MEI1: variants seen among roughly 807,000 people sequenced by gnomAD.
The protein encoded by MEI1 is meiotic double-stranded break formation protein 1.
MEI1 carries 103 observed loss-of-function variants against 146.2 expected under a neutral mutation model. That is an observed-to-expected ratio of 0.70 (90% CI 0.60 to 0.83). MEI1 has a LOEUF of 0.83. Among genes scored for constraint, MEI1 ranks in the 40% least tolerant of loss-of-function variants. The probability of loss-of-function intolerance (pLI) is 0.00; values close to 1 mark genes in which losing one functional copy is unlikely to be tolerated. For synonymous variants in MEI1, 652 were observed against 628.2 expected, an observed-to-expected ratio of 1.04 and a Z score of -0.57; for missense variants, 1,529 against 1,533.0, an observed-to-expected ratio of 1.00 and a Z score of 0.04.
chr22:41,717,618 CT>C (rs386395487), intron 5 of MEI1, among the ~76,000 whole-genome samples: 218 of 138,226 alleles, frequency 1.6e-3, no homozygotes, highest in Admixed American at 1.8e-3. Flanking sequence ...TTTTTCTTTT[CT>C]TTTTTTTTTT....
At chr22:41,792,459 G>C (rs1346891316) in intron 26 of MEI1, among the ~76,000 whole-genome samples, 1 of 152,126 alleles carries the variant, frequency 6.6e-6, no homozygotes, top group African/African-American at 2.4e-5. Context: ...CAAAATAAAA[G>C]GCTGACATGA....
intron 18 of MEI1, among the ~76,000 whole-genome samples, chr22:41,760,656 C>T (rs560313618): frequency 2.0e-5 from 3 of 152,338 alleles, no homozygotes; most frequent in Admixed American, 1.3e-4. Flanking sequence ...AAAATCTGAG[C>T]TCTCCAAGTG....
chr22:41,779,973 A>G, intron 22 of MEI1, among the ~76,000 whole-genome samples: 1 of 152,172 alleles, frequency 6.6e-6, no homozygotes, highest in African/African-American at 2.4e-5. Context: ...CCACAGGTGA[A>G]GATGGGGCAT....
intron 26 of MEI1, among the ~76,000 whole-genome samples, chr22:41,786,202 G>A (rs1028545099): frequency 3.3e-5 from 5 of 151,964 alleles, no homozygotes; most frequent in Admixed American, 6.6e-5. Context: ...GAGCCACCGC[G>A]CCCGGCCCCT....
chr22:41,752,171 G>A (rs1267644227), intron 15 of MEI1, among the ~76,000 whole-genome samples: 1 of 152,172 alleles, frequency 6.6e-6, no homozygotes, highest in Non-Finnish European at 1.5e-5. Flanking sequence ...AGTAACTACT[G>A]TTCTTTCTGC....
chr22:41,785,007 G>T (rs2075907175), intron 26 of MEI1, among the ~76,000 whole-genome samples: 1 of 151,302 alleles, frequency 6.6e-6, no homozygotes. Flanking sequence ...CGCAATCTTG[G>T]CTCACTGCAA....
intron 21 of MEI1, among the ~76,000 whole-genome samples, chr22:41,777,375 C>T (rs2075499463): frequency 6.6e-6 from 1 of 151,736 alleles, no homozygotes; most frequent in African/African-American, 2.4e-5. Flanking sequence ...AGGCTGGTCT[C>T]GAACTCCTGA....
intron 1 of MEI1, among the ~76,000 whole-genome samples, chr22:41,702,061 G>T (rs1279476690): frequency 6.6e-6 from 1 of 152,176 alleles, no homozygotes; most frequent in African/African-American, 2.4e-5. Flanking sequence ...CTATTACGTA[G>T]GATGAATTGG....
chr22:41,719,044 G>A (rs531051012), intron 6 of MEI1, among the ~76,000 whole-genome samples: 20 of 146,096 alleles, frequency 1.4e-4, no homozygotes, highest in East Asian at 1.0e-3. Flanking sequence ...CTGCAGTGGC[G>A]CAATCTTGGC....
At chr22:41,787,289 T>G (rs944571478) in intron 26 of MEI1, among the ~76,000 whole-genome samples, 2 of 151,466 alleles carry the variant, frequency 1.3e-5, no homozygotes, top group Non-Finnish European at 2.9e-5. Flanking sequence ...CAGAATGGGC[T>G]TTTTTTTTCC....
In MEI1 at chr22:41,763,224, C is replaced by G. The variant is rs763986089; in HGVS notation, c.2171C>G (p.Ser724Trp). 2 of 1,613,898 alleles carry G rather than the reference C, an allele frequency of 1.2e-6. No homozygotes were observed. The highest frequency in any genetic ancestry group is 2.2e-5 in the East Asian group (1 of 44,870). The stretch of plus-strand genomic sequence containing the variant: ...GAGGCTGTGCAAAGCTTCCTCCTGT[C>G]GCTGCAGGACCAGGGCGAGCGCCCC... ...LFEAVQSFLL[S>W]LQDQGERPPL... is the part of the protein sequence containing the mutation. The change falls in exon 19 of 31, where the codon TCG (serine) becomes TGG (tryptophan). Residue 724 changes from serine to tryptophan, a missense_variant. This residue lies in a region of MEI1 where 1,212 missense variants were observed against 1,178.9 expected (regional missense o/e 1.03). Coordinates refer to ENST00000401548, the MANE Select transcript of MEI1 (RefSeq NM_152513.4).
intron 6 of MEI1, among the ~76,000 whole-genome samples, chr22:41,722,605 C>G (rs1343032822): frequency 6.6e-6 from 1 of 151,596 alleles, no homozygotes; most frequent in Non-Finnish European, 1.5e-5. Flanking sequence ...CTTACTGAAC[C>G]AAATCCATCT....
chr22:41,781,476 A>C, intron 23 of MEI1, 82 bp downstream of exon 23: 2 of 1,283,294 alleles, frequency 1.6e-6, no homozygotes, highest in African/African-American at 3.0e-5. Context: ...TCTTAAAAAA[A>C]CAAATAGGGT....
At chr22:41,788,850 T>A (rs1160031465) in intron 26 of MEI1, among the ~76,000 whole-genome samples, 3 of 152,184 alleles carry the variant, frequency 2.0e-5, no homozygotes, top group Admixed American at 1.3e-4. Context: ...TGTTTATTTT[T>A]ATTTTTGAGA....
chr22:41,730,921 C>A (rs2071802558), intron 9 of MEI1, among the ~76,000 whole-genome samples: 1 of 152,178 alleles, frequency 6.6e-6, no homozygotes, highest in Non-Finnish European at 1.5e-5. Flanking sequence ...AACAACAACT[C>A]TAAACAGTGT....
chr22:41,724,213 G>A, intron 7 of MEI1, 140 bp downstream of exon 7: 1 of 1,107,936 alleles, frequency 9.0e-7, no homozygotes, highest in Non-Finnish European at 1.3e-6. Context: ...CTGGCTGGGG[G>A]CGGTGGCTCA....
rs1423496828 is a variant in MEI1 at position 41,770,785 on chromosome 22, C to G, written c.2368C>G (p.Pro790Ala). The stretch of plus-strand genomic sequence containing the variant: ...CCTGCTCAGGTTCTTTCTGTTGTAT[C>G]CAGAGCTCATGAGTAGGTATGGGCA... The part of the protein sequence containing the change: ...PLLLRFFLLY[P>A]ELMSRYGHRV... The change falls in exon 20 of 31, where the codon CCA becomes GCA. Residue 790 changes from proline to alanine, a missense_variant. Transcript: ENST00000401548. The G allele has an allele frequency of 4.3e-6, 7 of 1,613,808 alleles. No homozygotes were observed. The highest frequency in any genetic ancestry group is 4.2e-6 in the Non-Finnish European group (5 of 1,179,884).
chr22:41,711,040 C>G (rs2069508733), intron 3 of MEI1, among the ~76,000 whole-genome samples: 1 of 152,172 alleles, frequency 6.6e-6, no homozygotes, highest in Admixed American at 6.5e-5. Context: ...ATTTTGACTA[C>G]CTGGTTACTG....
rs757376141 is a variant in MEI1 at position 41,770,811 on chromosome 22, C to G, written c.2394C>G (p.His798Gln). The G allele has an allele frequency of 1.2e-6, 2 of 1,613,938 alleles. No homozygotes were observed. The highest frequency in any genetic ancestry group is 3.3e-5 in the Admixed American group (2 of 60,008). Residue 798 changes from histidine (H) to glutamine (Q), a missense_variant, in exon 20 of 31, where the codon CAC (histidine) becomes CAG (glutamine). Physicochemically the swap from His to Gln is conservative, Grantham distance 24 (BLOSUM62 0). This residue lies in a region of MEI1 where 1,212 missense variants were observed against 1,178.9 expected (regional missense o/e 1.03). Coordinates refer to ENST00000401548, the MANE Select transcript of MEI1 (RefSeq NM_152513.4). ...LYPELMSRYG[H>Q]RVLELWFFWE... ...CAGAGCTCATGAGTAGGTATGGGCA[C>G]CGTGTCCTGGAACTTTGGTTCTTCT...
Sources: allele counts gnomAD v4.1 joint callset (sites outside exome capture counted in the v4.1 genomes callset), GRCh38; gene constraint gnomAD v4.1.1; regional missense constraint gnomAD v4.1.1; transcripts MANE v1.5; gene names NCBI Gene and HGNC (gene_info 2026-07-23, HGNC 2026-07-21).